Variants in BOK observed in about 807,000 individuals in gnomAD.
BOK encodes bcl-2-related ovarian killer protein.
BOK carries 20 observed loss-of-function variants against 18.3 expected under a neutral mutation model. That is an observed-to-expected ratio of 1.09 (90% CI 0.77 to 1.59). The LOEUF is 1.59. Ranked by LOEUF, BOK falls within the 40% of genes most tolerant of loss-of-function variation. The probability of loss-of-function intolerance (pLI) is 0.00; values close to 1 mark genes in which losing one functional copy is unlikely to be tolerated. For synonymous variants in BOK, 173 were observed against 142.4 expected, an observed-to-expected ratio of 1.21 and a Z score of -1.53; for missense variants, 348 against 307.9, an observed-to-expected ratio of 1.13 and a Z score of -0.97.
upstream of BOK, among the ~76,000 whole-genome samples, chr2:241,558,527 C>A (rs966280599): frequency 1.3e-5 from 2 of 152,260 alleles, no homozygotes; most frequent in African/African-American, 4.8e-5. Flanking sequence ...GAAGACAACC[C>A]AATTTTCAAA....
intron 2 of BOK, chr2:241,560,011 C>CA (rs2066502562): frequency 2.2e-6 from 2 of 929,422 alleles, no homozygotes; most frequent in Non-Finnish European, 2.6e-6. Flanking sequence ...CCCTTGTTCT[C>CA]AGCTGGGCAC....
In BOK at chr2:241,559,496, C is replaced by G. The variant is rs1476068403; in HGVS notation, c.13C>G (p.Arg5Gly). 29 of 1,481,232 alleles carry G rather than the reference C, an allele frequency of 2.0e-5. No individual in the cohort carries two copies. Among genetic ancestry groups the G allele is most frequent in the Non-Finnish European group, 2.6e-5 (29 of 1,122,066 alleles). The allele number at this position is 1,481,232 out of a possible 1,614,324, so 91.8% of individuals were successfully genotyped here. A position where few individuals can be genotyped will look rare whatever the true frequency, so the allele number is the denominator to read the frequency against. Residue 5 changes from arginine (R) to glycine (G), a missense_variant, in exon 2 of 5, where the codon CGG becomes GGG. Coordinates refer to ENST00000318407, the MANE Select transcript of BOK (RefSeq NM_032515.5). ...CCGCGTCGCCGCCATGGAGGTGCTG[C>G]GGCGCTCCTCGGTCTTCGCCGCCGA... MEVL[R>G]RSSVFAAEIM... is the part of the protein sequence containing the mutation.
chr2:241,562,002 C>T lies in BOK; in HGVS notation c.221-346C>T, dbSNP rs1433578987. Among the ~76,000 whole-genome samples the T allele has an allele frequency of 3.3e-5, 5 of 152,242 alleles. No homozygotes were observed. The highest frequency in any genetic ancestry group is 1.9e-4 in the East Asian group (1 of 5,188). ...CTGGTCCCTCCTGCTCTGGGCAGCT[C>T]GGCTGCCTGTCGGCTGTGAGTCACC... On this transcript the variant is annotated intron_variant, in intron 2 of 4. Coordinates refer to ENST00000318407, the MANE Select transcript of BOK (RefSeq NM_032515.5). This position sits in a 1 kb window ranked among gnomAD's most constrained non-coding sequence, Gnocchi z 4.5.
At chr2:241,555,341 C>T (rs1574991562), upstream of BOK, among the ~76,000 whole-genome samples, 2 of 151,856 alleles carry the variant, frequency 1.3e-5, no homozygotes, top group African/African-American at 2.4e-5. Context: ...TGCGGTGTCA[C>T]CATGCTGGGC....
At chr2:241,568,117 C>T (rs1387422506) in intron 3 of BOK, among the ~76,000 whole-genome samples, 1 of 151,944 alleles carries the variant, frequency 6.6e-6, no homozygotes, top group Non-Finnish European at 1.5e-5. Flanking sequence ...AGCCCCATGC[C>T]TTCTTTTATT....
At chr2:241,563,975 T>A (rs1460777429) in intron 3 of BOK, among the ~76,000 whole-genome samples, 1 of 152,184 alleles carries the variant, frequency 6.6e-6, no homozygotes, top group African/African-American at 2.4e-5. Flanking sequence ...CGACCCCTGG[T>A]GGGCCAGCCA....
In BOK at chr2:241,572,690, C is replaced by T; in HGVS notation, c.*268C>T. The T allele has an allele frequency of 3.9e-6, 2 of 512,702 alleles. No homozygotes were observed. The highest frequency in any genetic ancestry group is 1.9e-5 in the African/African-American group (1 of 52,394). The allele number at this position is 512,702 out of a possible 1,614,324, so 31.8% of individuals were successfully genotyped here. ...CTGTGATCTCTGTGTTTTCCCTTTT[C>T]TTTCTGGGGCCAGGAAGTCAGGGTC... is the stretch of plus-strand genomic sequence containing the variant. On this transcript the variant is annotated 3_prime_UTR_variant, in exon 5 of 5. Coordinates refer to ENST00000318407, the MANE Select transcript of BOK (RefSeq NM_032515.5).
upstream of BOK, among the ~76,000 whole-genome samples, chr2:241,557,609 G>A (rs572470872): frequency 6.6e-6 from 1 of 152,184 alleles, no homozygotes; most frequent in East Asian, 1.9e-4. Context: ...ATTTCACCTG[G>A]CCTAATTTTC....
intron 4 of BOK, among the ~76,000 whole-genome samples, chr2:241,571,467 G>C (rs567590343): frequency 6.6e-6 from 1 of 152,184 alleles, no homozygotes; most frequent in Non-Finnish European, 1.5e-5. Context: ...TTAGCATCTC[G>C]AGAGATTGAG....
chr2:241,552,125 G>GC (rs1449586848), intron 1 of BOK, among the ~76,000 whole-genome samples: 2 of 152,198 alleles, frequency 1.3e-5, no homozygotes, highest in Non-Finnish European at 2.9e-5. Flanking sequence ...TGGCGAAGCA[G>GC]CCAGGCAGCT....
At chr2:241,560,164 G>A (rs1364464099) in intron 2 of BOK, 1 of 985,366 alleles carries the variant, frequency 1.0e-6, no homozygotes, top group East Asian at 1.1e-4. Context: ...CACCGGGCTG[G>A]GTAGCCAAAA....
Position 241,566,849 on chromosome 2 carries a change from G to A in BOK, c.350-3276G>A, listed in dbSNP as rs1428635765. ...AGATGAGTGGCTGCCAGGGGCTGTC[G>A]GTGAAATAGGGAGTGACTGCTAGTG... On this transcript the variant is annotated intron_variant, in intron 3 of 4. Coordinates refer to ENST00000318407, the MANE Select transcript of BOK (RefSeq NM_032515.5). 1.5e-5 allele frequency among the ~76,000 whole-genome samples: 2 copies of A among 134,084 alleles called. 1 individual carries two copies. Among genetic ancestry groups the A allele is most frequent in the African/African-American group, 5.9e-5 (2 of 34,126 alleles). The allele number at this position is 134,084 out of a possible 152,430, so 88.0% of individuals were successfully genotyped here.
At chr2:241,569,299 T>TTTTTTGTGTA (rs1309370984) in intron 3 of BOK, among the ~76,000 whole-genome samples, 1 of 130,762 alleles carries the variant, frequency 7.6e-6, no homozygotes, top group African/African-American at 3.2e-5. Context: ...GCCTGGCTAA[T>TTTTTTGTGTA]TTTTTGTGTA....
chr2:241,551,957 G>T (rs1295393935), intron 1 of BOK, among the ~76,000 whole-genome samples: 1 of 152,244 alleles, frequency 6.6e-6, no homozygotes, highest in African/African-American at 2.4e-5. Flanking sequence ...GAAACGCCGG[G>T]TGGCAGAGTT....
intron 3 of BOK, among the ~76,000 whole-genome samples, chr2:241,563,270 G>A (rs1015499310): frequency 6.6e-6 from 1 of 152,140 alleles, no homozygotes; most frequent in Admixed American, 6.5e-5. Context: ...GCCTGGATTT[G>A]CCCAGTGTGG....
chr2:241,563,617 G>A (rs2066565690), intron 3 of BOK, among the ~76,000 whole-genome samples: 1 of 152,198 alleles, frequency 6.6e-6, no homozygotes, highest in Non-Finnish European at 1.5e-5. Flanking sequence ...CTGACAGCAG[G>A]GAGGCCTTGC....
chr2:241,560,346 G>C (rs2066508098), intron 2 of BOK: 1 of 942,250 alleles, frequency 1.1e-6, no homozygotes. Flanking sequence ...CGTCACCTGG[G>C]AATGTTTATG....
intron 3 of BOK, among the ~76,000 whole-genome samples, chr2:241,568,310 T>C (rs543763719): frequency 2.6e-5 from 4 of 151,908 alleles, no homozygotes; most frequent in Non-Finnish European, 4.4e-5. Context: ...TTAGTAGAGA[T>C]GGGGTTTCAC....
At chr2:241,565,236 A>G (rs1318963695) in intron 3 of BOK, among the ~76,000 whole-genome samples, 2 of 125,460 alleles carry the variant, frequency 1.6e-5, no homozygotes, top group African/African-American at 3.1e-5. Flanking sequence ...GGCTCTGGCC[A>G]TGTGGCAGCC....
Sources: allele counts gnomAD v4.1 joint callset (sites outside exome capture counted in the v4.1 genomes callset), GRCh38; gene constraint gnomAD v4.1.1; non-coding constraint Gnocchi (gnomAD v3.1); transcripts MANE v1.5; gene names NCBI Gene and HGNC (gene_info 2026-07-23, HGNC 2026-07-21).